The following ADD2 variants were observed in gnomAD, a reference collection of about 807,000 sequenced individuals.
The protein encoded by ADD2 is adducin 2.
ADD2 carries 23 observed loss-of-function variants against 83.0 expected under a neutral mutation model. That is an observed-to-expected ratio of 0.28 (90% CI 0.20 to 0.39). The LOEUF is 0.39. ADD2 is among the 10% of genes least tolerant of loss of function. The probability of loss-of-function intolerance (pLI) is 1.00; values close to 1 mark genes in which losing one functional copy is unlikely to be tolerated. For synonymous variants in ADD2, 375 were observed against 375.4 expected (o/e 1.00, Z 0.01); for missense variants, 758 against 944.9 (o/e 0.80, Z 2.59).
intron 1 of ADD2, among the ~76,000 whole-genome samples, chr2:70,729,573 T>C (rs1004943357): frequency 6.6e-6 from 1 of 152,082 alleles, no homozygotes; most frequent in African/African-American, 2.4e-5. Context: ...TACTTAGTTG[T>C]CAGTGACTGG....
intron 15 of ADD2, among the ~76,000 whole-genome samples, chr2:70,667,132 C>A (rs923084161): frequency 3.9e-5 from 6 of 152,166 alleles, no homozygotes; most frequent in Non-Finnish European, 8.8e-5. Context: ...CACCTTCTAG[C>A]CTCTTCTAAG....
intron 2 of ADD2, among the ~76,000 whole-genome samples, chr2:70,708,028 G>A (rs1671991107): frequency 1.3e-5 from 2 of 152,208 alleles, no homozygotes; most frequent in South Asian, 4.1e-4. Flanking sequence ...ATGTCCAGTA[G>A]AGCATATTCT....
intron 2 of ADD2, 65 bp downstream of exon 2, chr2:70,713,001 C>T (rs1337583472): frequency 1.0e-5 from 7 of 690,410 alleles, no homozygotes; most frequent in East Asian, 1.3e-4. Context: ...CTGTACCTCA[C>T]GTGATGGGCC....
chr2:70,722,709 C>A (rs3771438), intron 1 of ADD2, among the ~76,000 whole-genome samples: 45,174 of 152,074 alleles, frequency 0.3, 7,156 homozygotes, highest in African/African-American at 0.41. Context: ...ATCTCAGTAC[C>A]TCTGCTGAGG....
chr2:70,724,265 G>A (rs76902023), intron 1 of ADD2, among the ~76,000 whole-genome samples: 3,907 of 152,300 alleles, frequency 0.026, 94 homozygotes, highest in Admixed American at 0.063. Context: ...GTGCTGTGGA[G>A]CGAGGGCCTT....
chr2:70,663,847 G>C, intron 15 of ADD2, 112 bp from the exon 16 acceptor site: 1 of 1,177,792 alleles, frequency 8.5e-7, no homozygotes, highest in Non-Finnish European at 1.2e-6. Context: ...CCAGAGCGAG[G>C]GGAGGGCCAG....
chr2:70,678,211 AT>A (rs1156440583), intron 11 of ADD2, among the ~76,000 whole-genome samples: 3 of 152,210 alleles, frequency 2.0e-5, no homozygotes, highest in African/African-American at 7.2e-5. Flanking sequence ...GGAGAGCTTC[AT>A]ATTGTTTTAT....
chr2:70,676,910 G>A lies in ADD2; in HGVS notation c.1504-25C>T, dbSNP rs552841216. ...TCTGTGTGGAAAGGGGAGAGGAAGAGTGAGCTGGCTGTTCAGGGTCAGCGT... is the reference window on the plus strand; with the variant it reads ...TCTGTGTGGAAAGGGGAGAGGAAGAATGAGCTGGCTGTTCAGGGTCAGCGT... On this transcript the variant is annotated intron_variant, in intron 12 of 15. Transcript: ENST00000264436. The surrounding 1 kb of genome is among the most constrained non-coding windows in gnomAD (Gnocchi z 4.8). The A allele has an allele frequency of 5.0e-6, 8 of 1,606,430 alleles. No individual in the cohort carries two copies. In the African/African-American group the frequency reaches 9.3e-5, roughly 19 times the overall value.
chr2:70,748,562 G>T (rs1674349307), intron 1 of ADD2, among the ~76,000 whole-genome samples: 1 of 152,142 alleles, frequency 6.6e-6, no homozygotes, highest in Non-Finnish European at 1.5e-5. Context: ...TGGGAATGGA[G>T]ACTTGCTCTT....
chr2:70,676,410 G>A lies in ADD2; in HGVS notation c.1593+386C>T, dbSNP rs1670139832. 1 of 1,175,144 alleles carries A rather than the reference G, an allele frequency of 8.5e-7. No homozygotes were observed. Among genetic ancestry groups the A allele is most frequent in the Non-Finnish European group, 1.1e-6 (1 of 947,942 alleles). 72.8% of individuals were successfully genotyped at this position (1,175,144 alleles called of 1,614,324 possible). On this transcript the variant is annotated intron_variant, in intron 13 of 15. Coordinates refer to ENST00000264436, the MANE Select transcript of ADD2 (RefSeq NM_001617.4). This position sits in a 1 kb window ranked among gnomAD's most constrained non-coding sequence, Gnocchi z 4.8. The stretch of plus-strand genomic sequence containing the variant: ...GGATGATGTCATACCAGGCTCAGAG[G>A]TCAGAGACTCTCAGGGCTGGGCACA...
rs1401388529 is a variant in ADD2 at position 70,691,288 on chromosome 2, G to A, written c.706-359C>T. 3.9e-5 allele frequency among the ~76,000 whole-genome samples: 6 copies of A among 152,304 alleles called. No homozygotes were observed. The East Asian group carries it at 9.6e-4, about 24-fold the overall frequency. On this transcript the variant is annotated intron_variant, in intron 7 of 15. Coordinates refer to ENST00000264436, the MANE Select transcript of ADD2 (RefSeq NM_001617.4). Reference sequence around the variant, plus strand: ...CAACTCTGGGAAGAGGCAGGCTGTGGTGGAGTTTGTACGAGGCTAGGGTAA... The same window carrying A: ...CAACTCTGGGAAGAGGCAGGCTGTGATGGAGTTTGTACGAGGCTAGGGTAA...
intron 1 of ADD2, among the ~76,000 whole-genome samples, chr2:70,722,405 GT>G (rs1672777944): frequency 6.6e-6 from 1 of 152,344 alleles, no homozygotes; most frequent in Admixed American, 6.5e-5. Context: ...GGAAATGTGT[GT>G]CTTAGAATCA....
chr2:70,732,759 T>C (rs1673351861), intron 1 of ADD2, among the ~76,000 whole-genome samples: 1 of 152,202 alleles, frequency 6.6e-6, no homozygotes, highest in Non-Finnish European at 1.5e-5. Context: ...GAGAAGTCAG[T>C]GTCTTTCCTT....
intron 15 of ADD2, among the ~76,000 whole-genome samples, chr2:70,665,136 A>T (rs901301757): frequency 6.6e-6 from 1 of 152,134 alleles, no homozygotes; most frequent in Non-Finnish European, 1.5e-5. Flanking sequence ...TTACAGAGGG[A>T]GCGAGTGAAG....
intron 15 of ADD2, among the ~76,000 whole-genome samples, chr2:70,665,453 G>A (rs901249472): frequency 6.6e-6 from 1 of 152,078 alleles, no homozygotes; most frequent in African/African-American, 2.4e-5. Context: ...GTCCCATCCC[G>A]TCCCGCCACG....
rs910321723 is a variant in ADD2, at chr2:70,659,174, A to C, written c.*4251T>G. ...AAAAAAAAAAAAAAAAAAAAAAAAG[A>C]AAGAAAAAGAAAAAACATGTCATGC... is the stretch of plus-strand genomic sequence containing the variant. On this transcript the variant is annotated 3_prime_UTR_variant, in exon 16 of 16. Transcript: ENST00000264436. 7.6e-6 allele frequency: 1 copy of C among 131,818 alleles called. No individual in the cohort carries two copies. Among genetic ancestry groups the C allele is most frequent in the Non-Finnish European group, 1.7e-5 (1 of 59,608 alleles). 8.2% of individuals were successfully genotyped at this position (131,818 alleles called of 1,614,324 possible).
At chr2:70,717,599 C>T (rs1277060856) in intron 1 of ADD2, 1 of 152,282 alleles carries the variant, frequency 6.6e-6, no homozygotes, top group African/African-American at 2.4e-5. Context: ...AGCCCCAGGC[C>T]CCGGCCCCAC....
rs981998720 is a variant in ADD2 at position 70,660,597 on chromosome 2, C to T, written c.*2828G>A. ...TGACAAGTCTAGCTCCTCCACACTT[C>T]CTACCAGTTTCCTTAGGATTCAGCC... On this transcript the variant is annotated 3_prime_UTR_variant, in exon 16 of 16. Transcript: ENST00000264436. 9 of 152,322 alleles carry T rather than the reference C, an allele frequency of 5.9e-5. No homozygotes were observed. The highest frequency in any genetic ancestry group is 1.0e-4 in the Non-Finnish European group (7 of 68,126). The allele number at this position is 152,322 out of a possible 1,614,324, so 9.4% of individuals were successfully genotyped here.
intron 13 of ADD2, chr2:70,675,127 T>C: frequency 9.2e-7 from 1 of 1,085,894 alleles, no homozygotes; most frequent in Non-Finnish European, 1.1e-6. Context: ...ATCCCTTCTA[T>C]GGACACTTCC....
Sources: allele counts gnomAD v4.1 joint callset (sites outside exome capture counted in the v4.1 genomes callset), GRCh38; gene constraint gnomAD v4.1.1; non-coding constraint Gnocchi (gnomAD v3.1); transcripts MANE v1.5; gene names NCBI Gene and HGNC (gene_info 2026-07-23, HGNC 2026-07-21).